JAK2: variants seen among roughly 807,000 people sequenced by gnomAD.
JAK2 encodes the protein Janus kinase 2, also known as tyrosine-protein kinase JAK2.
A neutral mutation model predicts 139.3 loss-of-function variants in JAK2; 86 were observed. That is an observed-to-expected ratio of 0.62 (90% confidence interval 0.52 to 0.74). The LOEUF is 0.74. Ranked by LOEUF, JAK2 falls within the 30% of genes least tolerant of loss-of-function variation. JAK2 has a pLI of 0.00. For synonymous variants in JAK2, 490 were observed against 437.7 expected (o/e 1.12, Z -1.49); for missense variants, 1,421 against 1,360.3 (o/e 1.04, Z -0.70).
At chr9:5,011,814 G>T (rs1821721871) in intron 2 of JAK2, among the ~76,000 whole-genome samples, 1 of 152,180 alleles carries the variant, frequency 6.6e-6, no homozygotes, top group South Asian at 2.1e-4. Flanking sequence ...TCCTGCGGAG[G>T]CTTGGTTTTA....
chr9:5,032,946 C>T (rs938271318), intron 4 of JAK2, among the ~76,000 whole-genome samples: 1 of 151,996 alleles, frequency 6.6e-6, no homozygotes, highest in East Asian at 1.9e-4. Flanking sequence ...TCAAACTACT[C>T]CAAGCTAAAG....
intron 2 of JAK2, among the ~76,000 whole-genome samples, chr9:5,011,116 A>G (rs1237166856): frequency 6.6e-6 from 1 of 152,208 alleles, no homozygotes; most frequent in Non-Finnish European, 1.5e-5. Flanking sequence ...GATTGGATTC[A>G]GATGAACTTT....
chr9:5,120,643 T>C (rs1163498999), intron 22 of JAK2, among the ~76,000 whole-genome samples: 2 of 152,158 alleles, frequency 1.3e-5, no homozygotes. Context: ...CATTGGATGA[T>C]CTTTGTACAT....
rs556256759 is a variant in JAK2, at chr9:5,071,761, G to A, written c.1642-731G>A. 2.6e-5 allele frequency among the ~76,000 whole-genome samples: 4 copies of A among 152,286 alleles called. No homozygotes were observed. The South Asian group carries it at 8.3e-4, about 32-fold the overall frequency. ...ATGGTAAAGACAAGCATCTTCATGT[G>A]AGTAACAGGAAACAGAGTGGCCAGG... is the stretch of plus-strand genomic sequence containing the variant. On this transcript the variant is annotated intron_variant, in intron 12 of 24. Transcript: ENST00000381652.
intron 22 of JAK2, chr9:5,099,070 C>T (rs568933563): frequency 5.3e-5 from 8 of 152,192 alleles, no homozygotes; most frequent in African/African-American, 1.2e-4. Flanking sequence ...AGTTGATAAC[C>T]GAACAATTCT....
chr9:5,112,354 C>A (rs975729864), intron 22 of JAK2: 1 of 356,726 alleles, frequency 2.8e-6, no homozygotes, highest in Non-Finnish European at 5.3e-6. Context: ...CCGACTCCTG[C>A]AGTGGGCTAG....
intron 14 of JAK2, among the ~76,000 whole-genome samples, chr9:5,075,778 T>C (rs1323458305): frequency 2.6e-5 from 4 of 152,196 alleles, no homozygotes; most frequent in African/African-American, 9.7e-5. Flanking sequence ...TCAAGTCTTA[T>C]TATCTAAGAA....
At position 4,992,892 on chromosome 9, in the gene JAK2, G is replaced by T. The variant is rs73639252; in HGVS notation, c.-26+6870G>T. ...GATTAGGTCTCAGTCCTGCTTCCTG[G>T]AAGTCATTCTTAATAGGACATAGGC... On this transcript the variant is annotated intron_variant, in intron 2 of 24. Coordinates refer to ENST00000381652, the MANE Select transcript of JAK2 (RefSeq NM_004972.4). Among the ~76,000 whole-genome samples the T allele has an allele frequency of 2.6e-3, 398 of 152,256 alleles. 5 individuals carry two copies. The highest frequency in any genetic ancestry group is 9.1e-3 in the African/African-American group (377 of 41,544).
chr9:5,076,711 G>T (rs1274689985), intron 14 of JAK2, among the ~76,000 whole-genome samples: 1 of 151,964 alleles, frequency 6.6e-6, no homozygotes, highest in Non-Finnish European at 1.5e-5. Flanking sequence ...TTACATTCAA[G>T]AAAATTGTTT....
At chr9:5,113,484 G>C (rs1203442075) in intron 22 of JAK2, 2 of 149,636 alleles carry the variant, frequency 1.3e-5, no homozygotes, top group Admixed American at 1.3e-4. Context: ...GATCAGACTG[G>C]CCTAGAGTAG....
intron 19 of JAK2, chr9:5,085,825 A>G: frequency 1.3e-6 from 1 of 760,476 alleles, no homozygotes; most frequent in African/African-American, 1.7e-5. Context: ...ATTGATCGAA[A>G]GGCTTTTCCT....
At chr9:5,077,025 C>G (rs1043333894) in intron 14 of JAK2, among the ~76,000 whole-genome samples, 3 of 151,838 alleles carry the variant, frequency 2.0e-5, no homozygotes, top group Non-Finnish European at 4.4e-5. Context: ...AGCTAGAACT[C>G]AAATTCTCCT....
In JAK2 at chr9:5,021,271, GC is replaced by G. The variant is rs146761560; in HGVS notation, c.-25-691del. ...CTATTCAAAGTGTGATTATCTACTC[GC>G]TATTTTGGTTCTTCTTTGTGGAGCA... On this transcript the variant is annotated intron_variant, in intron 2 of 24. Transcript: ENST00000381652. 8.3e-3 allele frequency among the ~76,000 whole-genome samples: 1,268 copies of G among 152,156 alleles called. 8 individuals carry two copies. The highest frequency in any genetic ancestry group is 0.017 in the Middle Eastern group (5 of 294).
chr9:5,123,246 G>GT (rs1823754550), intron 23 of JAK2, 125 bp downstream of exon 23: 10 of 571,384 alleles, frequency 1.8e-5, no homozygotes, highest in Non-Finnish European at 3.2e-5. Context: ...GAGCTTTTAG[G>GT]GTATCCACCA....
intron 4 of JAK2, chr9:5,041,416 C>A: frequency 1.6e-6 from 1 of 629,174 alleles, no homozygotes; most frequent in Non-Finnish European, 3.0e-6. Flanking sequence ...AGGTGCTGGG[C>A]CACATGTTCA....
intron 2 of JAK2, among the ~76,000 whole-genome samples, chr9:4,991,261 T>C (rs78370137): frequency 0.039 from 5,868 of 152,296 alleles, 298 homozygotes; most frequent in African/African-American, 0.12. Flanking sequence ...TAGGTTAGAA[T>C]GGTCCATGGG....
At position 5,038,344 on chromosome 9, in the gene JAK2, C is replaced by T. The variant is rs948070252; in HGVS notation, c.351-6059C>T. On this transcript the variant is annotated intron_variant, in intron 4 of 24. Coordinates refer to ENST00000381652, the MANE Select transcript of JAK2 (RefSeq NM_004972.4). The stretch of plus-strand genomic sequence containing the variant: ...GCCCAAGTGGCTTCACTTGTGAATT[C>T]TATCACACATTAAAAAAATTATTAC... 2.6e-5 allele frequency among the ~76,000 whole-genome samples: 4 copies of T among 152,172 alleles called. No homozygotes were observed. The South Asian group carries it at 8.3e-4, about 32-fold the overall frequency.
At position 5,054,964 on chromosome 9, in the gene JAK2, C is replaced by A; in HGVS notation, c.936+80C>A. ...AAAACAAAGTAATTTTAATCATTTG[C>A]AACATGGTATTGCACTTCTCCCATT... On this transcript the variant is annotated intron_variant, in intron 7 of 24. Coordinates refer to ENST00000381652, the MANE Select transcript of JAK2 (RefSeq NM_004972.4). The surrounding 1 kb of genome is among the most constrained non-coding windows in gnomAD (Gnocchi z 4.9). The A allele has an allele frequency of 9.4e-7, 1 of 1,068,722 alleles. No individual in the cohort carries two copies. The highest frequency in any genetic ancestry group is 1.3e-6 in the Non-Finnish European group (1 of 747,838). 66.2% of individuals were successfully genotyped at this position (1,068,722 alleles called of 1,614,324 possible).
At chr9:5,124,081 T>C (rs776861097) in intron 23 of JAK2, among the ~76,000 whole-genome samples, 1 of 151,824 alleles carries the variant, frequency 6.6e-6, no homozygotes, top group Non-Finnish European at 1.5e-5. Flanking sequence ...GTTGAATTGC[T>C]TGAGTTCCTT....
Sources: gnomAD v4.1 joint callset for allele counts (sites outside exome capture counted in the v4.1 genomes callset) on GRCh38, gnomAD v4.1.1 for gene constraint, Gnocchi (gnomAD v3.1) non-coding constraint, MANE v1.5 for transcripts, NCBI Gene and HGNC (gene_info 2026-07-23, HGNC 2026-07-21) for gene names.